Variants in KNSTRN observed in about 807,000 individuals in gnomAD.
KNSTRN encodes kinetochore localized astrin (SPAG5) binding protein.
In KNSTRN, 38 loss-of-function variants were observed where a neutral mutation model predicts 44.7. That is an observed-to-expected ratio of 0.85 (90% CI 0.66 to 1.11). The LOEUF (loss-of-function observed/expected upper bound fraction) is 1.11, where lower values mean the gene tolerates loss of function less well. Ranked by LOEUF, KNSTRN falls within the 50% of genes most tolerant of loss-of-function variation. The probability of loss-of-function intolerance (pLI) is 0.00; values close to 1 mark genes in which losing one functional copy is unlikely to be tolerated. For missense variants in KNSTRN, 406 were observed against 375.8 expected, an observed-to-expected ratio of 1.08 and a Z score of -0.66; for synonymous variants, 158 against 148.1, an observed-to-expected ratio of 1.07 and a Z score of -0.48.
rs768153377 is a variant in KNSTRN, at chr15:40,386,388, A to T, written c.331A>T (p.Ser111Cys). Residue 111 changes from serine (S) to cysteine (C), a missense_variant, in exon 3 of 9, where the codon AGT (serine) becomes TGT (cysteine). Transcript: ENST00000249776. ...CACACAAACTCGGGCCACTTCTAAG[A>T]GTCTCTTACCTGTTAGGTCCAAAGA... ...ADTQTRATSK[S>C]LLPVRSKEVD... 1.5e-5 allele frequency: 24 copies of T among 1,613,940 alleles called. No homozygotes were observed. The highest frequency in any genetic ancestry group is 1.9e-5 in the Non-Finnish European group (23 of 1,179,992).
intron 2 of KNSTRN, among the ~76,000 whole-genome samples, chr15:40,385,936 A>G (rs1048526058): frequency 6.6e-6 from 1 of 152,268 alleles, no homozygotes; most frequent in Non-Finnish European, 1.5e-5. Flanking sequence ...TAATCTTCAC[A>G]TGTTGAAATT....
chr15:40,389,023 C>T (rs1338922528), intron 4 of KNSTRN: 1 of 353,908 alleles, frequency 2.8e-6, no homozygotes, highest in Non-Finnish European at 5.5e-6. Context: ...TGGGTATTGT[C>T]CTGATTTCAA....
In KNSTRN at chr15:40,382,761, C is replaced by A; in HGVS notation, c.-75C>A. The A allele has an allele frequency of 7.4e-7, 1 of 1,354,974 alleles. No homozygotes were observed. Among genetic ancestry groups the A allele is most frequent in the Non-Finnish European group, 1.0e-6 (1 of 978,608 alleles). The allele number at this position is 1,354,974 out of a possible 1,614,324, so 83.9% of individuals were successfully genotyped here. ...GCCTACAAATTGCATCACCCTCCTCCTCTGCCCAGACCTGGGGGCTCCAAC... is the reference window on the plus strand; with the variant it reads ...GCCTACAAATTGCATCACCCTCCTCATCTGCCCAGACCTGGGGGCTCCAAC... On this transcript the variant is annotated 5_prime_UTR_variant, in exon 1 of 9. Transcript: ENST00000249776.
rs115270449 is a variant in KNSTRN, at chr15:40,383,594, T to A, written c.304+272T>A. 5.7e-3 allele frequency among the ~76,000 whole-genome samples: 868 copies of A among 152,358 alleles called. 10 individuals are homozygous for A. Among genetic ancestry groups the A allele is most frequent in the African/African-American group, 0.02 (815 of 41,572 alleles). On this transcript the variant is annotated intron_variant, in intron 2 of 8. Coordinates refer to ENST00000249776, the MANE Select transcript of KNSTRN (RefSeq NM_033286.4). The stretch of plus-strand genomic sequence containing the variant: ...GTTGTTGGTTATTGTACAATGTTAT[T>A]CCCATTAAGCTAGGAATCCCCTTCT...
chr15:40,390,085 T>C (rs1335542278), intron 6 of KNSTRN, among the ~76,000 whole-genome samples, 156 bp downstream of exon 6: 1 of 152,238 alleles, frequency 6.6e-6, no homozygotes, highest in Non-Finnish European at 1.5e-5. Context: ...TTTGTTTTCA[T>C]GTGATGTTGA....
intron 4 of KNSTRN, among the ~76,000 whole-genome samples, chr15:40,388,426 C>T (rs902250290): frequency 3.9e-5 from 6 of 152,204 alleles, no homozygotes; most frequent in African/African-American, 7.2e-5. Flanking sequence ...TAAGGGCCGG[C>T]GCAGTGGCTC....
intron 2 of KNSTRN, chr15:40,384,676 A>G: frequency 3.8e-6 from 1 of 260,660 alleles, no homozygotes; most frequent in Non-Finnish European, 7.8e-6. Flanking sequence ...TCAAATTTTT[A>G]GGCTGCCTCC....
Position 40,386,473 on chromosome 15 carries a change from C to T in KNSTRN, c.416C>T (p.Thr139Ile), listed in dbSNP as rs1450243287. The T allele has an allele frequency of 2.5e-6, 4 of 1,613,980 alleles. No homozygotes were observed. In the African/African-American group the frequency reaches 4.0e-5, roughly 16 times the overall value. ...CCAGAGAATGATGTTACAAAAATCA[C>T]CAAACTGAGACGAGAGAATGGGTGA... The part of the protein sequence containing the change: ...GGPENDVTKI[T>I]KLRRENGQMK... Residue 139 changes from threonine (T) to isoleucine (I), a missense_variant, in exon 3 of 9, where the codon ACC becomes ATC. Thr to Ile is a moderately conservative substitution (Grantham distance 89). Coordinates refer to ENST00000249776, the MANE Select transcript of KNSTRN (RefSeq NM_033286.4).
At chr15:40,388,367 C>G (rs942934679) in intron 4 of KNSTRN, among the ~76,000 whole-genome samples, 1 of 152,232 alleles carries the variant, frequency 6.6e-6, no homozygotes, top group African/African-American at 2.4e-5. Flanking sequence ...GGAACACGCT[C>G]TTAAGACACA....
chr15:40,387,162 A>G lies in KNSTRN; in HGVS notation c.441A>G (p.Gln147=). The part of the protein sequence containing the change: ...KITKLRRENG[Q]MKATDTATRR... The stretch of plus-strand genomic sequence containing the variant: ...TTCTTTGTTTCTGCCCTCCTAGGCA[A>G]ATGAAAGCTACTGACACTGCCACCA... Residue 147 remains glutamine, a synonymous_variant, in exon 4 of 9, where the codon CAA becomes CAG. Coordinates refer to ENST00000249776, the MANE Select transcript of KNSTRN (RefSeq NM_033286.4). The G allele has an allele frequency of 6.2e-7, 1 of 1,612,632 alleles. No individual in the cohort carries two copies. Among genetic ancestry groups the G allele is most frequent in the African/African-American group, 1.3e-5 (1 of 74,998 alleles).
intron 6 of KNSTRN, among the ~76,000 whole-genome samples, chr15:40,390,663 G>A (rs1393368709): frequency 1.3e-5 from 2 of 151,424 alleles, no homozygotes; most frequent in Non-Finnish European, 2.9e-5. Flanking sequence ...TGCCCAAGCT[G>A]AAGTGCAGAG....
intron 4 of KNSTRN, among the ~76,000 whole-genome samples, chr15:40,387,995 A>G (rs867264270): frequency 2.0e-5 from 3 of 152,188 alleles, no homozygotes; most frequent in Non-Finnish European, 2.9e-5. Context: ...GTGACAGAGC[A>G]AGACTCTGAC....
Position 40,382,853 on chromosome 15 carries a change from C to T in KNSTRN, c.18C>T (p.Ala6=). The change falls in exon 1 of 9, where the codon GCC becomes GCT. Residue 6 remains alanine, a synonymous_variant. Transcript: ENST00000249776. ...CGTACAGTATGGCGGCTCCCGAAGC[C>T]CCGCCCCTGGACAGAGTTTTCCGTA... MAAPE[A]PPLDRVFRTT... The T allele has an allele frequency of 6.2e-7, 1 of 1,611,196 alleles. No individual in the cohort carries two copies. Among genetic ancestry groups the T allele is most frequent in the Non-Finnish European group, 8.5e-7 (1 of 1,179,572 alleles).
At chr15:40,383,587 A>G (rs550877870) in intron 2 of KNSTRN, 2 of 388,026 alleles carry the variant, frequency 5.2e-6, no homozygotes, top group South Asian at 5.5e-5. Context: ...TTATTGTACA[A>G]TGTTATTCCC....
intron 2 of KNSTRN, 46 bp from the exon 3 acceptor site, chr15:40,386,316 G>A: frequency 1.3e-6 from 2 of 1,594,548 alleles, no homozygotes; most frequent in Non-Finnish European, 1.7e-6. Context: ...GGTTGCAACT[G>A]TCGGGTCATG....
At position 40,389,533 on chromosome 15, in the gene KNSTRN, A is replaced by G; in HGVS notation, c.513A>G (p.Ser171=). The change falls in exon 5 of 9, where the codon TCA becomes TCG. Residue 171 remains serine (S), a synonymous_variant. Coordinates refer to ENST00000249776, the MANE Select transcript of KNSTRN (RefSeq NM_033286.4). ...ACAAACCACTGAGTAAGCAAAAATCAGAGGAAGAGCTCAAGGACAAGAACC... is the reference window on the plus strand; with the variant it reads ...ACAAACCACTGAGTAAGCAAAAATCGGAGGAAGAGCTCAAGGACAAGAACC... ...KGYKPLSKQK[S]EEELKDKNQL... 6.2e-7 allele frequency: 1 copy of G among 1,614,062 alleles called. No individual in the cohort carries two copies. Among genetic ancestry groups the G allele is most frequent in the Non-Finnish European group, 8.5e-7 (1 of 1,179,932 alleles).
intron 7 of KNSTRN, 49 bp downstream of exon 7, chr15:40,391,603 T>C: frequency 1.4e-6 from 2 of 1,451,134 alleles, no homozygotes; most frequent in Non-Finnish European, 1.9e-6. Flanking sequence ...ACTGTGGGGC[T>C]CTGTAAATCT....
At chr15:40,391,126 A>T (rs1035327821) in intron 6 of KNSTRN, among the ~76,000 whole-genome samples, 4 of 152,186 alleles carry the variant, frequency 2.6e-5, no homozygotes, top group African/African-American at 9.7e-5. Flanking sequence ...TGCATGTGAT[A>T]TTACCGAAAG....
At chr15:40,386,236 A>T (rs1328637089) in intron 2 of KNSTRN, 126 bp from the exon 3 acceptor site, 2 of 1,052,342 alleles carry the variant, frequency 1.9e-6, no homozygotes, top group Non-Finnish European at 2.7e-6. Flanking sequence ...CAAAAAAATA[A>T]ATAATACTTT....
Sources: allele counts gnomAD v4.1 joint callset (sites outside exome capture counted in the v4.1 genomes callset), GRCh38; gene constraint gnomAD v4.1.1; transcripts MANE v1.5; gene names NCBI Gene and HGNC (gene_info 2026-07-23, HGNC 2026-07-21).